The following GRK1 variants were observed in gnomAD, a reference collection of about 807,000 sequenced individuals.
GRK1 encodes the protein rhodopsin kinase GRK1.
Under a neutral mutation model 41.7 loss-of-function variants are expected in GRK1, and 28 were observed. The observed-to-expected ratio is 0.67, with a 90% CI of 0.50 to 0.92. GRK1 has a LOEUF of 0.92. GRK1 is among the 40% of genes least tolerant of loss of function. The probability of loss-of-function intolerance (pLI) is 0.00; values close to 1 mark genes in which losing one functional copy is unlikely to be tolerated. For synonymous variants in GRK1, 327 were observed against 286.7 expected (o/e 1.14, Z -1.42); for missense variants, 703 against 671.2 (o/e 1.05, Z -0.52).
chr13:113,663,885 C>T (rs971202261), upstream of GRK1, among the ~76,000 whole-genome samples: 4 of 152,194 alleles, frequency 2.6e-5, no homozygotes, highest in East Asian at 1.9e-4. Context: ...AACAGCTTGC[C>T]GGTTTCTTCA....
the GRK1 span, among the ~76,000 whole-genome samples, chr13:113,660,111 T>C: frequency 1.3e-5 from 2 of 152,074 alleles, no homozygotes; most frequent in Admixed American, 1.3e-4. Flanking sequence ...AGAGGGCAGT[T>C]TCCCCACAGC....
At position 113,731,811 on chromosome 13, in the gene GRK1, C is replaced by T. The variant is rs372146764; in HGVS notation, c.1194+468C>T. ...GCTGAGGCTGGGGCTCTGGGGGACA[C>T]GGAGTCGGCTCCCCCTCCCTGGACG... On this transcript the variant is annotated intron_variant, in intron 5 of 6. Coordinates refer to ENST00000335678, the MANE Select transcript of GRK1 (RefSeq NM_002929.3). The surrounding 1 kb of genome is among the most constrained non-coding windows in gnomAD (Gnocchi z 5.6). Among the ~76,000 whole-genome samples, 89 of 152,294 alleles carry T rather than the reference C, an allele frequency of 5.8e-4. No homozygotes were observed. The highest frequency in any genetic ancestry group is 2.0e-3 in the African/African-American group (85 of 41,560).
In GRK1 at chr13:113,735,189, T is replaced by C. The variant is rs2049994057; in HGVS notation, c.1518T>C (p.Phe506=). Residue 506 remains phenylalanine (F), a synonymous_variant, in exon 7 of 7, where the codon TTT becomes TTC. Transcript: ENST00000335678. ...TTGACAAAACAGACACAGAATTCTTTCAGGAATTTGCCACTGGCAACTGCC... is the reference window on the plus strand; with the variant it reads ...TTGACAAAACAGACACAGAATTCTTCCAGGAATTTGCCACTGGCAACTGCC... ...VAFDKTDTEF[F]QEFATGNCPI... 5 of 1,537,182 alleles carry C rather than the reference T, an allele frequency of 3.3e-6. No individual in the cohort carries two copies. Among genetic ancestry groups the C allele is most frequent in the African/African-American group, 1.4e-5 (1 of 73,168 alleles).
chr13:113,650,251 T>G, the GRK1 span, among the ~76,000 whole-genome samples: 1 of 152,106 alleles, frequency 6.6e-6, no homozygotes, highest in Non-Finnish European at 1.5e-5. This position sits in a 1 kb window ranked among gnomAD's most constrained non-coding sequence, Gnocchi z 5.0. Context: ...TACAAGAACC[T>G]GGGCTTGGGA....
chr13:113,733,810 CAT>C (rs2049968855), intron 6 of GRK1, among the ~76,000 whole-genome samples: 1 of 80,860 alleles, frequency 1.2e-5, no homozygotes, highest in East Asian at 3.4e-4. Flanking sequence ...TATCTGTGTG[CAT>C]ACGTGTGTGC....
Position 113,735,245 on chromosome 13 carries a change from C to T in GRK1, c.1574C>T (p.Thr525Met), listed in dbSNP as rs768186756. Residue 525 changes from threonine to methionine, a missense_variant, in exon 7 of 7, where the codon ACG becomes ATG. Coordinates refer to ENST00000335678, the MANE Select transcript of GRK1 (RefSeq NM_002929.3). ...PIPWQEEMIETGIFGELNVWR... is the reference protein window; with the variant it reads ...PIPWQEEMIEMGIFGELNVWR... ...CCCTGGCAGGAGGAGATGATCGAGA[C>T]GGGCATCTTTGGCGAGCTGAACGTG... 2.0e-5 allele frequency: 30 copies of T among 1,537,010 alleles called. No homozygotes were observed. Among genetic ancestry groups the T allele is most frequent in the Middle Eastern group, 1.7e-4 (1 of 6,010 alleles).
chr13:113,730,494 C>T (rs557214430), intron 4 of GRK1, among the ~76,000 whole-genome samples: 16 of 149,648 alleles, frequency 1.1e-4, no homozygotes, highest in African/African-American at 3.2e-4. Context: ...CCCTCCATCC[C>T]GAGACAGTCC....
At chr13:113,658,442 A>G in the GRK1 span, among the ~76,000 whole-genome samples, 1,962 of 152,320 alleles carry the variant, frequency 0.013, 49 homozygotes, top group African/African-American at 0.045. Flanking sequence ...CGGTGAGGGC[A>G]CGTTCCGGGG....
intron 5 of GRK1, among the ~76,000 whole-genome samples, chr13:113,732,134 G>A (rs531625389): frequency 3.5e-4 from 53 of 152,338 alleles, no homozygotes; most frequent in African/African-American, 1.2e-3. Flanking sequence ...CTCGTTGGAC[G>A]GAGGGGGTGG....
chr13:113,671,621 A>G lies in GRK1; in HGVS notation c.950A>G (p.Asp317Gly), dbSNP rs2140720217. Residue 317 changes from aspartate (D) to glycine (G), a missense_variant, in exon 3 of 7, where the codon GAC becomes GGC. Transcript: ENST00000335678. The surrounding 1 kb of genome is among the most constrained non-coding windows in gnomAD (Gnocchi z 4.1). ...HLHQRRIVYRDLKPENVLLDN... is the reference protein window; with the variant it reads ...HLHQRRIVYRGLKPENVLLDN... ...CACCAGAGGCGGATCGTCTACCGCG[A>G]CCTCAAGCCCGAGAACGTGCTGCTG... is the stretch of plus-strand genomic sequence containing the variant. The G allele has an allele frequency of 1.3e-6, 1 of 770,250 alleles. No homozygotes were observed. The highest frequency in any genetic ancestry group is 2.4e-5 in the East Asian group (1 of 41,226). 47.7% of individuals were successfully genotyped at this position (770,250 alleles called of 1,614,324 possible).
chr13:113,668,246 C>T (rs1270475443), intron 1 of GRK1, 161 bp downstream of exon 1: 2 of 277,410 alleles, frequency 7.2e-6, no homozygotes, highest in African/African-American at 2.3e-5. Context: ...GCCCCGCGGC[C>T]GTGCGGTTAC....
intron 4 of GRK1, 75 bp downstream of exon 4, chr13:113,723,232 A>G: frequency 3.2e-6 from 2 of 631,982 alleles, no homozygotes; most frequent in Non-Finnish European, 5.9e-6. Flanking sequence ...GCCTGTGTGC[A>G]CTTGCACATA....
intron 4 of GRK1, among the ~76,000 whole-genome samples, chr13:113,727,196 GACTC>G (rs2140725441): frequency 6.6e-6 from 1 of 152,386 alleles, no homozygotes; most frequent in East Asian, 1.9e-4. Flanking sequence ...CCTGGAGTCT[GACTC>G]ACCAGAGCAG....
chr13:113,735,239 T>A lies in GRK1; in HGVS notation c.1568T>A (p.Ile523Asn), dbSNP rs1380826075. The change falls in exon 7 of 7, where the codon ATC becomes AAC. Residue 523 changes from isoleucine to asparagine, a missense_variant. Physicochemically the swap from Ile to Asn is moderately radical, Grantham distance 149 (BLOSUM62 -3). Coordinates refer to ENST00000335678, the MANE Select transcript of GRK1 (RefSeq NM_002929.3). ...CCCATCCCCTGGCAGGAGGAGATGA[T>A]CGAGACGGGCATCTTTGGCGAGCTG... ...NCPIPWQEEM[I>N]ETGIFGELNV... 2.0e-6 allele frequency: 3 copies of A among 1,537,118 alleles called. No individual in the cohort carries two copies. Among genetic ancestry groups the A allele is most frequent in the Non-Finnish European group, 2.6e-6 (3 of 1,146,878 alleles).
the GRK1 span, among the ~76,000 whole-genome samples, chr13:113,655,843 A>T: frequency 6.6e-6 from 1 of 152,190 alleles, no homozygotes; most frequent in African/African-American, 2.4e-5. Context: ...GGGCAGGACC[A>T]AGTCAGAGAA....
chr13:113,734,090 A>C (rs1033444326), intron 6 of GRK1, among the ~76,000 whole-genome samples: 1 of 152,272 alleles, frequency 6.6e-6, no homozygotes, highest in South Asian at 2.1e-4. Context: ...GTGTGTGTTC[A>C]TGCACTTTTG....
At chr13:113,652,546 C>G in the GRK1 span, 1 of 415,470 alleles carries the variant, frequency 2.4e-6, no homozygotes, top group African/African-American at 2.0e-5. Context: ...AATCCTGACT[C>G]CAGAACTTGA....
chr13:113,650,788 G>A, the GRK1 span, among the ~76,000 whole-genome samples: 1 of 152,260 alleles, frequency 6.6e-6, no homozygotes, highest in Non-Finnish European at 1.5e-5. This position sits in a 1 kb window ranked among gnomAD's most constrained non-coding sequence, Gnocchi z 5.0. Flanking sequence ...GCTGGGAGGC[G>A]GCTTGCTTGT....
At chr13:113,727,737 T>C in intron 4 of GRK1, among the ~76,000 whole-genome samples, 1 of 112,198 alleles carries the variant, frequency 8.9e-6, no homozygotes. Context: ...GGAGTACCCA[T>C]GGCGATGAGG....
Sources: gnomAD v4.1 joint callset for allele counts (sites outside exome capture counted in the v4.1 genomes callset) on GRCh38, gnomAD v4.1.1 for gene constraint, Gnocchi (gnomAD v3.1) non-coding constraint, MANE v1.5 for transcripts, NCBI Gene and HGNC (gene_info 2026-07-23, HGNC 2026-07-21) for gene names.